The following PIK3C2G variants were observed in gnomAD, a reference collection of about 807,000 sequenced individuals.
PIK3C2G encodes the protein phosphatidylinositol 3-kinase C2 domain-containing subunit gamma.
PIK3C2G carries 168 observed loss-of-function variants against 181.1 expected under a neutral mutation model. The ratio of observed to expected loss-of-function variants is 0.93; its 90% CI spans 0.82 to 1.05. The LOEUF (loss-of-function observed/expected upper bound fraction) is 1.05. PIK3C2G is among the 50% of genes least tolerant of loss of function. The pLI, the probability that PIK3C2G is intolerant of heterozygous loss-of-function variation, is 0.00. For synonymous variants in PIK3C2G, 573 were observed against 592.2 expected (o/e 0.97, Z 0.47); for missense variants, 1,869 against 1,732.8 (o/e 1.08, Z -1.40).
At chr12:18,637,543 C>T (rs575454594) in intron 31 of PIK3C2G, among the ~76,000 whole-genome samples, 5 of 152,282 alleles carry the variant, frequency 3.3e-5, no homozygotes, top group East Asian at 1.9e-4. Context: ...CCCTGCTGTC[C>T]GCTATGGTAA....
At chr12:18,277,166 C>T (rs979840164) in intron 1 of PIK3C2G, among the ~76,000 whole-genome samples, 2 of 152,118 alleles carry the variant, frequency 1.3e-5, no homozygotes, top group Non-Finnish European at 2.9e-5. Context: ...ATCTATCTAC[C>T]TATCTGTCTA....
intron 18 of PIK3C2G, among the ~76,000 whole-genome samples, chr12:18,471,943 T>C (rs1274334520): frequency 1.3e-5 from 2 of 152,126 alleles, no homozygotes; most frequent in Non-Finnish European, 2.9e-5. Flanking sequence ...TCATAATAGA[T>C]TCCATTTATA....
At chr12:18,299,091 A>G (rs1950068659) in intron 5 of PIK3C2G, among the ~76,000 whole-genome samples, 1 of 151,894 alleles carries the variant, frequency 6.6e-6, no homozygotes. Context: ...GAAGAATATT[A>G]TTGGTAATTT....
chr12:18,667,167 G>A, the PIK3C2G span, among the ~76,000 whole-genome samples: 2 of 152,116 alleles, frequency 1.3e-5, no homozygotes, highest in African/African-American at 4.8e-5. Flanking sequence ...TCATGATGAG[G>A]GTTGCCACCA....
At chr12:18,485,162 T>C (rs1447896550) in intron 18 of PIK3C2G, among the ~76,000 whole-genome samples, 1 of 152,056 alleles carries the variant, frequency 6.6e-6, no homozygotes, top group Non-Finnish European at 1.5e-5. Flanking sequence ...ACGGCCTGGA[T>C]TGAATGAGTT....
intron 3 of PIK3C2G, among the ~76,000 whole-genome samples, chr12:18,287,264 C>T (rs1268437953): frequency 1.3e-5 from 2 of 151,868 alleles, no homozygotes; most frequent in Non-Finnish European, 2.9e-5. Context: ...TCTGGCTAAC[C>T]CCCAAATTAA....
chr12:18,371,604 C>G (rs916495403), intron 13 of PIK3C2G, among the ~76,000 whole-genome samples: 8 of 152,034 alleles, frequency 5.3e-5, no homozygotes, highest in African/African-American at 1.9e-4. Flanking sequence ...TTCTTTGGAA[C>G]TAGTAATTCA....
At chr12:18,647,450 A>C (rs1159343145) in intron 32 of PIK3C2G, among the ~76,000 whole-genome samples, 1 of 146,592 alleles carries the variant, frequency 6.8e-6, no homozygotes, top group African/African-American at 2.5e-5. Flanking sequence ...TGAATCTAAA[A>C]TTGAAAAAAA....
At chr12:18,329,658 T>G (rs1388236787) in intron 8 of PIK3C2G, among the ~76,000 whole-genome samples, 1 of 152,064 alleles carries the variant, frequency 6.6e-6, no homozygotes, top group East Asian at 1.9e-4. Flanking sequence ...GGACTTCAAT[T>G]TATCTATCCC....
At chr12:18,328,911 GTAAGAAAATTGGATAAAAT>G (rs1951468928) in intron 8 of PIK3C2G, among the ~76,000 whole-genome samples, 1 of 151,870 alleles carries the variant, frequency 6.6e-6, no homozygotes, top group Admixed American at 6.6e-5. Context: ...CAAAAAAAGT[GTAAGAAAATTGGATAAAAT>G]TAAGAGGTAA....
At chr12:18,522,979 T>G (rs190540766) in intron 24 of PIK3C2G, among the ~76,000 whole-genome samples, 9 of 152,240 alleles carry the variant, frequency 5.9e-5, no homozygotes, top group Admixed American at 5.2e-4. Flanking sequence ...AGATGTCCTG[T>G]CTTTGTGCTC....
intron 31 of PIK3C2G, among the ~76,000 whole-genome samples, chr12:18,620,493 G>A (rs554442203): frequency 1.7e-4 from 26 of 151,546 alleles, no homozygotes; most frequent in African/African-American, 6.3e-4. Context: ...TGGGCTTCTT[G>A]TGCATATGAC....
chr12:18,328,859 A>G (rs1272365546), intron 8 of PIK3C2G, among the ~76,000 whole-genome samples: 1 of 151,978 alleles, frequency 6.6e-6, no homozygotes, highest in Non-Finnish European at 1.5e-5. Flanking sequence ...CACAAAATTG[A>G]TTTGCATTCA....
intron 18 of PIK3C2G, among the ~76,000 whole-genome samples, chr12:18,447,941 TG>T (rs1333233527): frequency 6.6e-6 from 1 of 152,136 alleles, no homozygotes; most frequent in Non-Finnish European, 1.5e-5. Flanking sequence ...ATGCAGATTA[TG>T]GGGGATTTCC....
the PIK3C2G span, chr12:18,693,446 C>A: frequency 6.2e-7 from 1 of 1,605,428 alleles, no homozygotes; most frequent in East Asian, 2.2e-5. Context: ...GGGGGTCATT[C>A]TCTGTGGTCC....
intron 24 of PIK3C2G, among the ~76,000 whole-genome samples, chr12:18,509,270 A>G (rs992258871): frequency 1.3e-5 from 2 of 151,866 alleles, no homozygotes; most frequent in Non-Finnish European, 2.9e-5. Flanking sequence ...CTGGTCTCGA[A>G]CTCCCGACCT....
At chr12:18,496,397 T>C (rs1941016440) in intron 21 of PIK3C2G, among the ~76,000 whole-genome samples, 1 of 152,138 alleles carries the variant, frequency 6.6e-6, no homozygotes, top group Non-Finnish European at 1.5e-5. Context: ...AGAATATAAT[T>C]CAGTAAATGA....
chr12:18,270,190 G>A (rs866743202), intron 1 of PIK3C2G, among the ~76,000 whole-genome samples: 5 of 152,004 alleles, frequency 3.3e-5, no homozygotes, highest in South Asian at 4.2e-4. Context: ...GATTACAGGC[G>A]TGAGCCACTG....
the PIK3C2G span, among the ~76,000 whole-genome samples, chr12:18,716,051 A>G: frequency 6.6e-6 from 1 of 152,052 alleles, no homozygotes; most frequent in African/African-American, 2.4e-5. Flanking sequence ...TGGCTTACGG[A>G]TTTATTTATG....
Sources: allele counts gnomAD v4.1 joint callset (sites outside exome capture counted in the v4.1 genomes callset), GRCh38; gene constraint gnomAD v4.1.1; transcripts MANE v1.5; gene names NCBI Gene and HGNC (gene_info 2026-07-23, HGNC 2026-07-21).